Variants in PARD3B observed in about 807,000 individuals in gnomAD.
PARD3B encodes the protein partitioning defective 3 homolog B.
In PARD3B, 103 loss-of-function variants were observed where a neutral mutation model predicts 130.2. The ratio of observed to expected loss-of-function variants is 0.79; its 90% CI spans 0.67 to 0.93. The LOEUF (loss-of-function observed/expected upper bound fraction) is 0.93, where lower values mean the gene tolerates loss of function less well. Among genes scored for constraint, PARD3B ranks in the 40% least tolerant of loss-of-function variants. PARD3B has a pLI of 0.00. For synonymous variants in PARD3B, 583 were observed against 553.2 expected (o/e 1.05, Z -0.76); for missense variants, 1,609 against 1,499.2 (o/e 1.07, Z -1.21).
rs1357883846 is a variant in PARD3B, at chr2:205,011,030, T to C, written c.395-36551T>C. 6.6e-6 allele frequency among the ~76,000 whole-genome samples: 1 copy of C among 152,222 alleles called. No individual in the cohort carries two copies. The highest frequency in any genetic ancestry group is 2.4e-5 in the African/African-American group (1 of 41,456). The stretch of plus-strand genomic sequence containing the variant: ...CCCCTTAAAAAGCTGATTGCGGCTC[T>C]CTGGTGTATGGGGTTTAGTGGTGGA... On this transcript the variant is annotated intron_variant, in intron 3 of 22. Coordinates refer to ENST00000406610, the MANE Select transcript of PARD3B (RefSeq NM_001302769.2). The surrounding 1 kb of genome is among the most constrained non-coding windows in gnomAD (Gnocchi z 4.1).
chr2:204,970,436 G>C (rs1414077307), intron 3 of PARD3B, among the ~76,000 whole-genome samples: 1 of 152,170 alleles, frequency 6.6e-6, no homozygotes, highest in East Asian at 1.9e-4. Context: ...TCCCTGATGT[G>C]TCACCACCAT....
chr2:204,830,597 T>C (rs1171700273), intron 2 of PARD3B, among the ~76,000 whole-genome samples: 1 of 152,212 alleles, frequency 6.6e-6, no homozygotes, highest in Non-Finnish European at 1.5e-5. Context: ...CCTGCCATTG[T>C]TACTTAAAGA....
At chr2:205,390,237 A>G (rs935050088) in intron 18 of PARD3B, among the ~76,000 whole-genome samples, 1 of 151,762 alleles carries the variant, frequency 6.6e-6, no homozygotes, top group Non-Finnish European at 1.5e-5. Flanking sequence ...GGAAAAAACA[A>G]TTCTATGATG....
At chr2:204,596,075 A>AT (rs1039790369) in intron 1 of PARD3B, among the ~76,000 whole-genome samples, 78 of 152,208 alleles carry the variant, frequency 5.1e-4, no homozygotes, top group African/African-American at 1.5e-3. Context: ...TCTTGTGATG[A>AT]TTTTTTTTGA....
intron 18 of PARD3B, among the ~76,000 whole-genome samples, chr2:205,306,403 A>G (rs1442470331): frequency 6.6e-6 from 1 of 152,240 alleles, no homozygotes; most frequent in African/African-American, 2.4e-5. Flanking sequence ...GTTAACGAAA[A>G]ACACTATTAA....
intron 20 of PARD3B, among the ~76,000 whole-genome samples, chr2:205,489,684 T>G (rs1452412244): frequency 1.3e-5 from 2 of 151,938 alleles, no homozygotes; most frequent in Admixed American, 6.6e-5. Flanking sequence ...CTTCTAAAAT[T>G]TGAACACAGT....
At chr2:204,597,938 A>G (rs554842667) in intron 1 of PARD3B, among the ~76,000 whole-genome samples, 1 of 152,332 alleles carries the variant, frequency 6.6e-6, no homozygotes, top group South Asian at 2.1e-4. Context: ...CCAGTGTTTA[A>G]TGATTATGGT....
intron 1 of PARD3B, among the ~76,000 whole-genome samples, chr2:204,662,776 C>T (rs986257561): frequency 3.3e-5 from 5 of 152,154 alleles, no homozygotes; most frequent in Non-Finnish European, 7.3e-5. Flanking sequence ...TGCCATTATT[C>T]ATGCTAAGAC....
chr2:205,570,221 T>C (rs2053512471), intron 22 of PARD3B, among the ~76,000 whole-genome samples: 1 of 152,204 alleles, frequency 6.6e-6, no homozygotes, highest in African/African-American at 2.4e-5. Flanking sequence ...TGCCAGTTTA[T>C]GAATAATATT....
At chr2:205,036,326 T>C (rs1697879585) in intron 3 of PARD3B, among the ~76,000 whole-genome samples, 1 of 146,986 alleles carries the variant, frequency 6.8e-6, no homozygotes, top group Non-Finnish European at 1.5e-5. Context: ...TATAGTGGGC[T>C]ATATATATAA....
At chr2:204,935,402 G>A (rs1688367066) in intron 2 of PARD3B, among the ~76,000 whole-genome samples, 1 of 150,334 alleles carries the variant, frequency 6.7e-6, no homozygotes, top group South Asian at 2.1e-4. Context: ...AGCCTGGCAT[G>A]GTGACGGGCG....
intron 10 of PARD3B, among the ~76,000 whole-genome samples, chr2:205,154,062 A>G (rs1410057910): frequency 6.6e-6 from 1 of 152,222 alleles, no homozygotes; most frequent in Non-Finnish European, 1.5e-5. Flanking sequence ...TAATTAAACT[A>G]AAGAGCTTCT....
At chr2:205,050,259 A>C (rs1699100112) in intron 4 of PARD3B, among the ~76,000 whole-genome samples, 1 of 151,210 alleles carries the variant, frequency 6.6e-6, no homozygotes, top group Non-Finnish European at 1.5e-5. Context: ...CCGTTTCCCA[A>C]AGAGCATCTA....
intron 15 of PARD3B, among the ~76,000 whole-genome samples, chr2:205,231,158 G>A (rs1345860903): frequency 5.3e-5 from 8 of 151,996 alleles, no homozygotes; most frequent in Admixed American, 4.6e-4. Context: ...CATGTGTCTA[G>A]TAGTTCAATT....
chr2:205,393,155 C>T (rs143538863), intron 18 of PARD3B, among the ~76,000 whole-genome samples: 56 of 152,216 alleles, frequency 3.7e-4, no homozygotes, highest in African/African-American at 1.1e-3. Context: ...TCAGCATATG[C>T]GTATGCTAAT....
chr2:205,135,062 C>T (rs998744509), intron 10 of PARD3B, among the ~76,000 whole-genome samples: 2 of 152,076 alleles, frequency 1.3e-5, no homozygotes, highest in South Asian at 2.1e-4. Flanking sequence ...TTATTAGTGG[C>T]GACTGTGGCT....
chr2:205,213,941 A>G (rs1187222201), intron 15 of PARD3B, among the ~76,000 whole-genome samples: 3 of 152,152 alleles, frequency 2.0e-5, no homozygotes, highest in East Asian at 1.9e-4. Flanking sequence ...ATCACTTGAC[A>G]TAATTGGTTT....
chr2:204,636,799 A>C (rs189079615), intron 1 of PARD3B, among the ~76,000 whole-genome samples: 56 of 152,192 alleles, frequency 3.7e-4, no homozygotes, highest in African/African-American at 1.2e-3. Context: ...CTCACCCTGT[A>C]CTGTTTTACA....
intron 19 of PARD3B, among the ~76,000 whole-genome samples, chr2:205,408,744 A>G (rs1456625012): frequency 1.3e-5 from 2 of 152,132 alleles, no homozygotes; most frequent in African/African-American, 4.8e-5. Context: ...GAAAACACCC[A>G]TGTTTTGGCA....
Sources: allele counts gnomAD v4.1 joint callset (sites outside exome capture counted in the v4.1 genomes callset), GRCh38; gene constraint gnomAD v4.1.1; non-coding constraint Gnocchi (gnomAD v3.1); transcripts MANE v1.5; gene names NCBI Gene and HGNC (gene_info 2026-07-23, HGNC 2026-07-21).